Variants in ITFG2 observed in about 807,000 individuals in gnomAD.
The protein encoded by ITFG2 is KICSTOR complex protein ITFG2.
In ITFG2, 36 loss-of-function variants were observed where a neutral mutation model predicts 54.4. The observed-to-expected ratio is 0.66, with a 90% CI of 0.51 to 0.87. The LOEUF (loss-of-function observed/expected upper bound fraction) is 0.87, where lower values mean the gene tolerates loss of function less well. Among genes scored for constraint, ITFG2 ranks in the 40% least tolerant of loss-of-function variants. ITFG2 has a pLI of 0.00. For missense variants in ITFG2, 524 were observed against 576.7 expected (o/e 0.91, Z 0.94); for synonymous variants, 211 against 225.4 (o/e 0.94, Z 0.57).
chr12:2,817,248 C>G lies in ITFG2; in HGVS notation c.122C>G (p.Thr41Ser). The change falls in exon 2 of 12, where the codon ACC becomes AGC. Residue 41 changes from threonine to serine, a missense_variant. Thr to Ser is a moderately conservative substitution (Grantham distance 58). Transcript: ENST00000228799. ...DTLNELVVGD[T>S]SGKVSVYKND... Reference sequence around the variant, plus strand: ...TTAAATGAACTGGTGGTGGGAGACACCAGCGGGAAGGTGTCTGTGTATAAA... The same window carrying G: ...TTAAATGAACTGGTGGTGGGAGACAGCAGCGGGAAGGTGTCTGTGTATAAA... 6.2e-7 allele frequency: 1 copy of G among 1,613,770 alleles called. No individual in the cohort carries two copies.
intron 2 of ITFG2, chr12:2,849,642 CGG>C: frequency 8.4e-7 from 1 of 1,192,286 alleles, no homozygotes; most frequent in Non-Finnish European, 1.2e-6. Context: ...AGCCATCAGG[CGG>C]CAGGGAATCC....
At chr12:2,823,369 T>C (rs188021627) in intron 10 of ITFG2, among the ~76,000 whole-genome samples, 1 of 152,322 alleles carries the variant, frequency 6.6e-6, no homozygotes, top group African/African-American at 2.4e-5. Flanking sequence ...GCACTCACTC[T>C]CTGGGTGACT....
At chr12:2,813,322 C>T (rs1475908401) in intron 1 of ITFG2, among the ~76,000 whole-genome samples, 5 of 152,216 alleles carry the variant, frequency 3.3e-5, no homozygotes, top group African/African-American at 1.2e-4. Context: ...ACAGGTCAAG[C>T]AGGTAAAACA....
chr12:2,822,013 TTTC>T (rs199724749), intron 9 of ITFG2, among the ~76,000 whole-genome samples: 5,523 of 151,778 alleles, frequency 0.036, 148 homozygotes, highest in Non-Finnish European at 0.053. Flanking sequence ...ACTGCAACCT[TTTC>T]TGCTAGACTG....
chr12:2,842,496 T>C (rs117920939), intron 2 of ITFG2, among the ~76,000 whole-genome samples: 151,923 of 152,054 alleles, frequency 1, 75,896 homozygotes, highest in East Asian at 1. Context: ...AATCCCACAT[T>C]TTTGGAAGGC....
Position 2,812,669 on chromosome 12 carries a change from C to G in ITFG2, c.-92C>G, listed in dbSNP as rs899005970. On this transcript the variant is annotated 5_prime_UTR_variant, in exon 1 of 12. Coordinates refer to ENST00000228799, the MANE Select transcript of ITFG2 (RefSeq NM_018463.4). ...GTTCAGGCAGTGACGTAACTTGCTG[C>G]CTTAGGTGGCCTTCCGCTCTGGCGG... 37 of 985,898 alleles carry G rather than the reference C, an allele frequency of 3.8e-5. No individual in the cohort carries two copies. The Middle Eastern group carries it at 6.5e-4, about 17-fold the overall frequency. The allele number at this position is 985,898 out of a possible 1,614,324, so 61.1% of individuals were successfully genotyped here.
At chr12:2,817,802 A>G (rs2097926643) in intron 2 of ITFG2, 107 bp from the exon 3 acceptor site, 1 of 1,021,116 alleles carries the variant, frequency 9.8e-7, no homozygotes, top group Non-Finnish European at 1.5e-6. Context: ...GAAAGTCTTC[A>G]GTGAGCGATG....
intron 2 of ITFG2, among the ~76,000 whole-genome samples, chr12:2,849,865 G>A (rs568965545): frequency 3.2e-4 from 49 of 152,284 alleles, no homozygotes; most frequent in African/African-American, 1.2e-3. Flanking sequence ...CAGTGACAGT[G>A]GGAAAATCAC....
At chr12:2,832,135 G>A (rs2098006351), upstream of ITFG2, among the ~76,000 whole-genome samples, 4 of 152,118 alleles carry the variant, frequency 2.6e-5, no homozygotes, top group Admixed American at 2.6e-4. Context: ...TACCGAATCA[G>A]ATGTTTCATT....
chr12:2,833,235 G>A (rs933774395), upstream of ITFG2, among the ~76,000 whole-genome samples: 2 of 152,096 alleles, frequency 1.3e-5, no homozygotes, highest in Admixed American at 1.3e-4. Flanking sequence ...ACCTTCTCCT[G>A]GGGCCAAACA....
chr12:2,827,528 T>C, downstream of ITFG2: 1 of 1,589,928 alleles, frequency 6.3e-7, no homozygotes, highest in Non-Finnish European at 8.5e-7. This position sits in a 1 kb window ranked among gnomAD's most constrained non-coding sequence, Gnocchi z 4.0. Context: ...TGCCCATCTC[T>C]AAGTCACTCT....
At chr12:2,817,198 C>A in intron 1 of ITFG2, 25 bp from the exon 2 acceptor site, 1 of 1,531,646 alleles carries the variant, frequency 6.5e-7, no homozygotes, top group South Asian at 1.1e-5. Flanking sequence ...CCCATCCTAA[C>A]GCTTTCTTCT....
chr12:2,820,617 G>A (rs1326928314), intron 5 of ITFG2, 107 bp from the exon 6 acceptor site: 1 of 718,942 alleles, frequency 1.4e-6, no homozygotes, highest in Non-Finnish European at 2.3e-6. Flanking sequence ...CAGGACTGCT[G>A]CCCTGCCCCT....
At chr12:2,835,082 G>C, upstream of ITFG2, 1 of 1,439,170 alleles carries the variant, frequency 6.9e-7, no homozygotes. Flanking sequence ...GGGAGGGTTG[G>C]CAGGGCCCAC....
intron 3 of ITFG2, chr12:2,859,155 T>C (rs766451213): frequency 1.2e-6 from 2 of 1,606,912 alleles, no homozygotes; most frequent in Non-Finnish European, 1.7e-6. Flanking sequence ...TCCCACTTCC[T>C]GGGAGTAGCT....
intron 2 of ITFG2, among the ~76,000 whole-genome samples, chr12:2,842,203 C>T (rs2098043044): frequency 7.5e-6 from 1 of 132,540 alleles, no homozygotes; most frequent in Admixed American, 8.8e-5. Flanking sequence ...CTCACTGCAA[C>T]GTCTGCCTCC....
rs369673728 is a variant in ITFG2, at chr12:2,840,550, G to A, written n.147-292G>A. On this transcript the variant is annotated intron_variant and non_coding_transcript_variant, in intron 1 of 3. Coordinates refer to the ITFG2 transcript ENST00000537710. Reference sequence around the variant, plus strand: ...GCCTGTAATCCCAGCACTTTGGGAGGCCGAGGCAGGCAGATCACGAGGTCA... The same window carrying A: ...GCCTGTAATCCCAGCACTTTGGGAGACCGAGGCAGGCAGATCACGAGGTCA... 3.3e-5 allele frequency among the ~76,000 whole-genome samples: 5 copies of A among 152,186 alleles called. No individual in the cohort carries two copies. The East Asian group carries it at 9.7e-4, about 29-fold the overall frequency.
downstream of ITFG2, among the ~76,000 whole-genome samples, chr12:2,831,776 CTTTCAAGATGGGATCTTGCTAT>C (rs1228486899): frequency 6.6e-6 from 1 of 151,724 alleles, no homozygotes; most frequent in African/African-American, 2.4e-5. Context: ...TTTTTCTTTT[CTTTCAAGATGGGATCTTGCTAT>C]GCTGCCCAGA....
intron 1 of ITFG2, among the ~76,000 whole-genome samples, chr12:2,839,365 C>G (rs2098035711): frequency 6.6e-6 from 1 of 152,128 alleles, no homozygotes; most frequent in Admixed American, 6.6e-5. Flanking sequence ...GGGGAAGAAA[C>G]TTCGTCCAAC....
Sources: allele counts gnomAD v4.1 joint callset (sites outside exome capture counted in the v4.1 genomes callset), GRCh38; gene constraint gnomAD v4.1.1; non-coding constraint Gnocchi (gnomAD v3.1); transcripts MANE v1.5; gene names NCBI Gene and HGNC (gene_info 2026-07-23, HGNC 2026-07-21).